CHAT: variants seen among roughly 807,000 people sequenced by gnomAD.
CHAT encodes the protein choline O-acetyltransferase.
CHAT carries 61 observed loss-of-function variants against 76.9 expected under a neutral mutation model. That is an observed-to-expected ratio of 0.79 (90% CI 0.65 to 0.98). The LOEUF (loss-of-function observed/expected upper bound fraction) is 0.98. Among genes scored for constraint, CHAT ranks in the 50% least tolerant of loss-of-function variants. The pLI is 0.00. For missense variants in CHAT, 946 were observed against 986.9 expected, an observed-to-expected ratio of 0.96 and a Z score of 0.56; for synonymous variants, 407 against 397.4, an observed-to-expected ratio of 1.02 and a Z score of -0.29.
intron 4 of CHAT, 25 bp downstream of exon 4, chr10:49,620,638 A>C: frequency 1.5e-4 from 242 of 1,567,508 alleles, no homozygotes; most frequent in Non-Finnish European, 2.0e-4. Flanking sequence ...CTCCTAGCTC[A>C]TAACCTGGGG....
chr10:49,662,642 C>T lies in CHAT; in HGVS notation c.1840-3C>T, dbSNP rs1840229277. ...CTCCTGTTCTTTGTCCCCAACTACA[C>T]AGGCCATAACAGGGATGGCCATTGA... On this transcript the variant is annotated splice_polypyrimidine_tract_variant and splice_region_variant and intron_variant, in intron 13 of 14. Coordinates refer to ENST00000337653, the MANE Select transcript of CHAT (RefSeq NM_020549.5). 1 of 1,614,122 alleles carries T rather than the reference C, an allele frequency of 6.2e-7. No individual in the cohort carries two copies. The highest frequency in any genetic ancestry group is 8.5e-7 in the Non-Finnish European group (1 of 1,180,014).
At position 49,614,395 on chromosome 10, in the gene CHAT, C is replaced by T. The variant is rs1283840204; in HGVS notation, c.206C>T (p.Pro69Leu). 3 of 1,546,530 alleles carry T rather than the reference C, an allele frequency of 1.9e-6. No homozygotes were observed. Among genetic ancestry groups the T allele is most frequent in the East Asian group, 4.9e-5 (2 of 40,872 alleles). Residue 69 changes from proline (P) to leucine (L), a missense_variant, in exon 1 of 15, where the codon CCC (proline) becomes CTC (leucine). Around this residue, in one of 3 missense-constraint regions of CHAT, gnomAD observed 548 missense variants for 516.2 expected, o/e 1.06. Coordinates refer to ENST00000337653, the MANE Select transcript of CHAT (RefSeq NM_020549.5). ...CCCCGCGCTGCGACACGCCCCCCACCCCTTCCGGCTCACACCCCCGCCCAC... is the reference window on the plus strand; with the variant it reads ...CCCCGCGCTGCGACACGCCCCCCACTCCTTCCGGCTCACACCCCCGCCCAC... ...PHPRAATRPP[P>L]LPAHTPAHTP...
intron 3 of CHAT, 109 bp downstream of exon 3, chr10:49,620,025 G>A (rs1590562185): frequency 8.8e-7 from 1 of 1,132,266 alleles, no homozygotes; most frequent in Non-Finnish European, 1.3e-6. Flanking sequence ...CAGAAGGAGA[G>A]ATGAGGGACA....
chr10:49,648,486 A>T, intron 8 of CHAT, 21 bp from the exon 9 acceptor site: 1 of 1,586,592 alleles, frequency 6.3e-7, no homozygotes, highest in Non-Finnish European at 8.7e-7. Flanking sequence ...ATGATCGCCC[A>T]CTCCCTCTTT....
intron 2 of CHAT, 69 bp downstream of exon 2, chr10:49,616,671 T>C: frequency 8.9e-7 from 1 of 1,123,014 alleles, no homozygotes; most frequent in Non-Finnish European, 1.3e-6. Flanking sequence ...TCTAGAACAG[T>C]CCTGAGTGGG....
intron 7 of CHAT, among the ~76,000 whole-genome samples, chr10:49,638,015 C>G (rs1363723804): frequency 6.6e-6 from 1 of 152,164 alleles, no homozygotes; most frequent in Non-Finnish European, 1.5e-5. Flanking sequence ...TCTAGTCGTT[C>G]TAACAACTGT....
exon 1 of CHAT, chr10:49,614,023 GTGCGGTGACTGGGAAA>G: frequency 7.9e-7 from 1 of 1,262,300 alleles, no homozygotes. Context: ...GGTTGGGGAA[GTGCGGTGACTGGGAAA>G]TGCTGAGCTA....
chr10:49,622,143 C>G lies in CHAT; in HGVS notation c.745C>G (p.Leu249Val), dbSNP rs115510708. The G allele has an allele frequency of 6.3e-4, 976 of 1,553,504 alleles. 7 individuals are homozygous for G. In the African/African-American group the frequency reaches 0.012, roughly 20 times the overall value. Residue 249 changes from leucine to valine, a missense_variant, in exon 5 of 15, where the codon CTG becomes GTG. Leu to Val is a conservative substitution (Grantham distance 32). Transcript: ENST00000337653. ...TGGTGTACTCAGCTACAAGGCCCTG[C>G]TGGACAGGTAGGACTGGGAGGGTGG... ...ISGVLSYKAL[L>V]DSHSIPTDCA...
At position 49,651,845 on chromosome 10, in the gene CHAT, T is replaced by A. The variant is rs1348731801; in HGVS notation, c.1512-39T>A. 2.5e-6 allele frequency: 4 copies of A among 1,592,922 alleles called. No homozygotes were observed. In the African/African-American group the frequency reaches 4.0e-5, roughly 16 times the overall value. ...AAACCCCAGATGCATGCATACTGTT[T>A]TGCATGCAATAAAAACATCTTTTCT... On this transcript the variant is annotated intron_variant, in intron 10 of 14. Transcript: ENST00000337653.
chr10:49,620,481 G>T lies in CHAT; in HGVS notation c.580-14G>T. 1.3e-6 allele frequency: 2 copies of T among 1,593,596 alleles called. No individual in the cohort carries two copies. The highest frequency in any genetic ancestry group is 3.3e-4 in the Middle Eastern group (2 of 6,024). On this transcript the variant is annotated splice_polypyrimidine_tract_variant and intron_variant, in intron 3 of 14. Transcript: ENST00000337653. ...TTGGGGGGATGTGACGGCCTTCCCTGCCCTCCCCGGCAGGTGTCTGAGTAC... is the reference window on the plus strand; with the variant it reads ...TTGGGGGGATGTGACGGCCTTCCCTTCCCTCCCCGGCAGGTGTCTGAGTAC...
At chr10:49,612,452 C>T, upstream of CHAT, 1 of 1,046,902 alleles carries the variant, frequency 9.6e-7, no homozygotes, top group Non-Finnish European at 1.4e-6. Flanking sequence ...GTACCCCAGC[C>T]ACTCCTCAAC....
intron 14 of CHAT, among the ~76,000 whole-genome samples, chr10:49,663,496 G>C (rs1253640166): frequency 1.3e-5 from 2 of 152,178 alleles, no homozygotes; most frequent in African/African-American, 4.8e-5. Context: ...CCTCTAAATA[G>C]GTCACAGATA....
At chr10:49,612,948 C>A (rs1163506340), upstream of CHAT, among the ~76,000 whole-genome samples, 1 of 152,230 alleles carries the variant, frequency 6.6e-6, no homozygotes, top group East Asian at 1.9e-4. Context: ...CCAGGATAGA[C>A]CCTCTTTTCC....
At chr10:49,648,190 C>T (rs1839742987) in intron 8 of CHAT, among the ~76,000 whole-genome samples, 1 of 152,186 alleles carries the variant, frequency 6.6e-6, no homozygotes, top group Non-Finnish European at 1.5e-5. Context: ...CTCACCCAGG[C>T]CCCAAGGGCA....
upstream of CHAT, chr10:49,611,375 G>A (rs1414069827): frequency 6.3e-7 from 1 of 1,599,674 alleles, no homozygotes; most frequent in Non-Finnish European, 8.5e-7. Flanking sequence ...GAGCGCAGTC[G>A]TGCACTGGGC....
intron 7 of CHAT, among the ~76,000 whole-genome samples, chr10:49,642,117 G>A (rs3793792): frequency 0.31 from 47,466 of 151,990 alleles, 8,090 homozygotes; most frequent in Middle Eastern, 0.46. Context: ...TCACTATTAC[G>A]CCGGGCTCCT....
At chr10:49,658,649 C>T (rs535291783) in intron 13 of CHAT, among the ~76,000 whole-genome samples, 244 of 152,242 alleles carry the variant, frequency 1.6e-3, no homozygotes, top group Middle Eastern at 6.8e-3. Context: ...TCGGAAGTTG[C>T]GGTGAGCTGA....
intron 7 of CHAT, among the ~76,000 whole-genome samples, chr10:49,635,776 G>A (rs1839274621): frequency 6.6e-6 from 1 of 152,088 alleles, no homozygotes; most frequent in Non-Finnish European, 1.5e-5. Flanking sequence ...AAAGGAACTT[G>A]CTCGACCTGA....
intron 11 of CHAT, among the ~76,000 whole-genome samples, chr10:49,653,408 G>A (rs536886100): frequency 9.9e-4 from 141 of 142,700 alleles, no homozygotes; most frequent in African/African-American, 2.8e-3. Context: ...TGCTATGAAC[G>A]GTAAAGCTCT....
Sources: allele counts gnomAD v4.1 joint callset (sites outside exome capture counted in the v4.1 genomes callset), GRCh38; gene constraint gnomAD v4.1.1; regional missense constraint gnomAD v4.1.1; transcripts MANE v1.5; gene names NCBI Gene and HGNC (gene_info 2026-07-23, HGNC 2026-07-21).